FARS2: variants seen among roughly 807,000 people sequenced by gnomAD.
FARS2 encodes the protein phenylalanyl-tRNA synthetase 2, mitochondrial, also known as phenylalanine--tRNA ligase, mitochondrial.
A neutral mutation model predicts 46.4 loss-of-function variants in FARS2; 40 were observed. The observed-to-expected ratio is 0.86, with a 90% CI of 0.67 to 1.12. The LOEUF is 1.12. FARS2 is among the 50% of genes most tolerant of loss of function. FARS2 has a pLI of 0.00. For missense variants in FARS2, 513 were observed against 567.9 expected (o/e 0.90, Z 0.98); for synonymous variants, 234 against 214.9 (o/e 1.09, Z -0.78).
chr6:5,257,633 G>T (rs1475010118), upstream of FARS2, among the ~76,000 whole-genome samples: 3 of 152,202 alleles, frequency 2.0e-5, no homozygotes, highest in Non-Finnish European at 4.4e-5. Flanking sequence ...TCTCCTGTCA[G>T]ATCAGCGGCG....
intron 6 of FARS2, among the ~76,000 whole-genome samples, chr6:5,731,018 C>T (rs1179771613): frequency 1.3e-5 from 2 of 152,184 alleles, no homozygotes; most frequent in African/African-American, 2.4e-5. Context: ...AATGACTACA[C>T]GCTCATTTGT....
intron 5 of FARS2, among the ~76,000 whole-genome samples, chr6:5,576,579 GATATATACTCT>G (rs1298145218): frequency 7.0e-6 from 1 of 142,006 alleles, no homozygotes; most frequent in Admixed American, 7.0e-5. Context: ...ATATATCTAT[GATATATACTCT>G]ATATATGATA....
chr6:5,674,469 C>T (rs760310854), intron 6 of FARS2, among the ~76,000 whole-genome samples: 29 of 152,284 alleles, frequency 1.9e-4, no homozygotes, highest in Middle Eastern at 3.4e-3. Context: ...CACTGGGAAT[C>T]GGAACCTTGG....
intron 4 of FARS2, among the ~76,000 whole-genome samples, chr6:5,432,351 T>TATATATATATTA: frequency 2.4e-5 from 1 of 42,340 alleles, no homozygotes; most frequent in African/African-American, 7.1e-5. Context: ...TATATATATA[T>TATATATATATTA]TATATATATA....
At chr6:5,268,318 T>G (rs931033524) in intron 1 of FARS2, among the ~76,000 whole-genome samples, 1 of 152,116 alleles carries the variant, frequency 6.6e-6, no homozygotes, top group African/African-American at 2.4e-5. Flanking sequence ...GGTTTTCTTC[T>G]AGGGTTTTTA....
rs183362505 is a variant in FARS2, at chr6:5,595,755, G to C, written c.1066-17414G>C. Among the ~76,000 whole-genome samples, 223 of 152,228 alleles carry C rather than the reference G, an allele frequency of 1.5e-3. 3 individuals carry two copies. The highest frequency in any genetic ancestry group is 6.8e-4 in the Non-Finnish European group (46 of 68,034). Reference sequence around the variant, plus strand: ...AAATAGTAAACATGTATATGTTTACGATACGCTTACCGACGCTGACACCTT... The same window carrying C: ...AAATAGTAAACATGTATATGTTTACCATACGCTTACCGACGCTGACACCTT... On this transcript the variant is annotated intron_variant, in intron 5 of 6. Transcript: ENST00000274680.
At chr6:5,341,105 G>C (rs1771526744) in intron 1 of FARS2, among the ~76,000 whole-genome samples, 1 of 147,640 alleles carries the variant, frequency 6.8e-6, no homozygotes, top group African/African-American at 2.5e-5. Flanking sequence ...CCGAGATCGT[G>C]CTGCTGCATT....
intron 6 of FARS2, among the ~76,000 whole-genome samples, chr6:5,662,965 A>C (rs569145383): frequency 6.6e-6 from 1 of 152,286 alleles, no homozygotes; most frequent in African/African-American, 2.4e-5. Context: ...GTACTTAATA[A>C]ATTCTATGAT....
intron 6 of FARS2, among the ~76,000 whole-genome samples, chr6:5,769,138 GAGTT>G (rs1406417111): frequency 2.0e-5 from 3 of 152,122 alleles, no homozygotes; most frequent in Non-Finnish European, 2.9e-5. Flanking sequence ...GATATATTTT[GAGTT>G]AGTTTGTGTG....
In FARS2 at chr6:5,641,283, G is replaced by GTTTATTTTAT. The variant is rs546965598; in HGVS notation, c.1217+27982_1217+27991dup. ...GCACTATCCGTTTCACGTGTCCCCA[G>GTTTATTTTAT]TTTATTTTATTTTATTTTATTTTAT... On this transcript the variant is annotated intron_variant, in intron 6 of 6. Transcript: ENST00000274680. Among the ~76,000 whole-genome samples, 630 of 151,744 alleles carry GTTTATTTTAT rather than the reference G, an allele frequency of 4.2e-3. 5 individuals carry two copies. Among genetic ancestry groups the GTTTATTTTAT allele is most frequent in the African/African-American group, 0.014 (593 of 41,206 alleles).
At chr6:5,700,738 G>A (rs901789264) in intron 6 of FARS2, among the ~76,000 whole-genome samples, 4 of 152,094 alleles carry the variant, frequency 2.6e-5, no homozygotes, top group Non-Finnish European at 5.9e-5. Context: ...AGTGACACAC[G>A]TTTGAGAGAC....
intron 1 of FARS2, among the ~76,000 whole-genome samples, chr6:5,316,755 C>T (rs1769547920): frequency 6.6e-6 from 1 of 152,232 alleles, no homozygotes; most frequent in Non-Finnish European, 1.5e-5. Context: ...CTACTTGTTT[C>T]TGGCAGAGGG....
intron 1 of FARS2, among the ~76,000 whole-genome samples, chr6:5,354,814 A>G (rs113767258): frequency 6.6e-6 from 1 of 151,940 alleles, no homozygotes; most frequent in Non-Finnish European, 1.5e-5. Context: ...CGCCCGGCCT[A>G]TGCTAGTGGT....
the FARS2 span, among the ~76,000 whole-genome samples, chr6:5,254,381 G>A: frequency 6.6e-6 from 1 of 152,154 alleles, no homozygotes; most frequent in African/African-American, 2.4e-5. Flanking sequence ...CCCGAAGCAC[G>A]GATTTTTACG....
intron 4 of FARS2, among the ~76,000 whole-genome samples, chr6:5,495,441 C>G (rs183690641): frequency 2.0e-5 from 3 of 152,266 alleles, no homozygotes; most frequent in Admixed American, 2.0e-4. Flanking sequence ...CAACTGTTTT[C>G]TATAATTAAA....
chr6:5,539,439 A>C lies in FARS2; in HGVS notation c.905-5741A>C, dbSNP rs530624821. 1.1e-4 allele frequency among the ~76,000 whole-genome samples: 16 copies of C among 139,158 alleles called. No homozygotes were observed. The South Asian group carries it at 3.1e-3, about 27-fold the overall frequency. The allele number at this position is 139,158 out of a possible 152,430, so 91.3% of individuals were successfully genotyped here. ...AGTAGAGACGGGGTTTCACCATGTT[A>C]GCCAGGATGGTTTCAATCTCCTGAC... is the stretch of plus-strand genomic sequence containing the variant. On this transcript the variant is annotated intron_variant, in intron 4 of 6. Transcript: ENST00000274680.
At chr6:5,596,042 C>T (rs760786943) in intron 5 of FARS2, among the ~76,000 whole-genome samples, 1 of 151,946 alleles carries the variant, frequency 6.6e-6, no homozygotes, top group Non-Finnish European at 1.5e-5. Context: ...AATATGTTAC[C>T]CCATTTAATT....
At chr6:5,466,833 T>C (rs2150312330) in intron 4 of FARS2, 8 of 985,472 alleles carry the variant, frequency 8.1e-6, no homozygotes, top group Non-Finnish European at 9.6e-6. Flanking sequence ...GAGTTGGGAA[T>C]GGAGCCCATT....
At chr6:5,681,332 A>G (rs937567876) in intron 6 of FARS2, among the ~76,000 whole-genome samples, 12 of 152,226 alleles carry the variant, frequency 7.9e-5, no homozygotes, top group African/African-American at 2.9e-4. Context: ...ACAATATAAC[A>G]ATGGGCTTAA....
Sources: allele counts gnomAD v4.1 joint callset (sites outside exome capture counted in the v4.1 genomes callset), GRCh38; gene constraint gnomAD v4.1.1; transcripts MANE v1.5; gene names NCBI Gene and HGNC (gene_info 2026-07-23, HGNC 2026-07-21).